The following LRMDA variants were observed in gnomAD, a reference collection of about 807,000 sequenced individuals.
LRMDA encodes the protein leucine-rich melanocyte differentiation-associated protein.
In LRMDA, 18 loss-of-function variants were observed where a neutral mutation model predicts 29.8. The observed-to-expected ratio is 0.60, with a 90% CI of 0.42 to 0.90. The LOEUF is 0.90. Ranked by LOEUF, LRMDA falls within the 40% of genes least tolerant of loss-of-function variation. The pLI is 0.00. For missense variants in LRMDA, 273 were observed against 273.9 expected (o/e 1.00, Z 0.02); for synonymous variants, 125 against 109.4 (o/e 1.14, Z -0.89).
At chr10:76,282,801 A>T (rs1840222689) in intron 5 of LRMDA, among the ~76,000 whole-genome samples, 1 of 152,156 alleles carries the variant, frequency 6.6e-6, no homozygotes, top group African/African-American at 2.4e-5. Flanking sequence ...GAAGTCAATG[A>T]TGTTCTTCGT....
intron 3 of LRMDA, among the ~76,000 whole-genome samples, chr10:76,043,230 T>G (rs1848369988): frequency 6.6e-6 from 1 of 152,214 alleles, no homozygotes; most frequent in Non-Finnish European, 1.5e-5. Context: ...GATGAATGAG[T>G]TTGTTAATCA....
At chr10:75,739,584 T>C (rs1842805745) in intron 2 of LRMDA, among the ~76,000 whole-genome samples, 1 of 152,204 alleles carries the variant, frequency 6.6e-6, no homozygotes, top group Non-Finnish European at 1.5e-5. Flanking sequence ...TGACAGCTTC[T>C]GAAGGAAATG....
chr10:76,221,588 A>T (rs1186917574), intron 5 of LRMDA, among the ~76,000 whole-genome samples: 2 of 152,236 alleles, frequency 1.3e-5, no homozygotes, highest in Non-Finnish European at 2.9e-5. Context: ...TTCAAGGAGA[A>T]CTACAAACCA....
intron 2 of LRMDA, among the ~76,000 whole-genome samples, chr10:75,767,345 G>A (rs1445984718): frequency 3.3e-5 from 5 of 152,158 alleles, no homozygotes; most frequent in South Asian, 2.1e-4. Flanking sequence ...TCTAACTGGC[G>A]TGAGATAGTA....
At chr10:75,472,743 C>T (rs555874913) in intron 2 of LRMDA, among the ~76,000 whole-genome samples, 6 of 152,184 alleles carry the variant, frequency 3.9e-5, no homozygotes, top group Non-Finnish European at 8.8e-5. Context: ...TGGCAAGGGT[C>T]AGGTATTGAC....
chr10:76,066,709 T>C (rs1040827596), intron 5 of LRMDA, among the ~76,000 whole-genome samples: 1 of 152,188 alleles, frequency 6.6e-6, no homozygotes, highest in African/African-American at 2.4e-5. Flanking sequence ...TGACTCCCCA[T>C]AACATATTTT....
intron 5 of LRMDA, among the ~76,000 whole-genome samples, chr10:76,254,465 C>T (rs1589396077): frequency 6.6e-6 from 1 of 151,428 alleles, no homozygotes; most frequent in Admixed American, 6.6e-5. Context: ...AAAGCAAATC[C>T]AATCAAGAGT....
chr10:76,457,491 T>A (rs1454890539), intron 6 of LRMDA, among the ~76,000 whole-genome samples: 1 of 143,498 alleles, frequency 7.0e-6, no homozygotes, highest in East Asian at 2.0e-4. Context: ...TATTTAGTGC[T>A]ATGCTTTTCA....
intron 6 of LRMDA, among the ~76,000 whole-genome samples, chr10:76,410,298 CTTTTTTTTTTTTTTTTTTTT>C (rs1172213249): frequency 1.5e-5 from 1 of 66,544 alleles, no homozygotes; most frequent in Non-Finnish European, 2.8e-5. Context: ...CACTTTCTTT[CTTTTTTTTTTTTTTTTTTTT>C]TTTTTTTTGA....
chr10:75,443,873 T>C (rs545853588), intron 2 of LRMDA, among the ~76,000 whole-genome samples: 1 of 152,320 alleles, frequency 6.6e-6, no homozygotes, highest in Admixed American at 6.5e-5. Context: ...ATTATTGATC[T>C]GCTTGGGTGA....
chr10:75,512,407 ATTAC>A (rs1416078473), intron 2 of LRMDA, among the ~76,000 whole-genome samples: 1 of 151,286 alleles, frequency 6.6e-6, no homozygotes, highest in Non-Finnish European at 1.5e-5. Context: ...TGTGTAGAGT[ATTAC>A]TTTGACCATT....
intron 2 of LRMDA, among the ~76,000 whole-genome samples, chr10:75,666,927 G>T (rs1013926090): frequency 2.0e-5 from 3 of 152,134 alleles, no homozygotes; most frequent in Non-Finnish European, 4.4e-5. Flanking sequence ...ATAAATAATG[G>T]TGTAATCAAT....
At chr10:76,334,472 A>G (rs928061790) in intron 6 of LRMDA, among the ~76,000 whole-genome samples, 1 of 152,210 alleles carries the variant, frequency 6.6e-6, no homozygotes, top group Non-Finnish European at 1.5e-5. Flanking sequence ...GGTGAGCTCA[A>G]GAAGGCCAAA....
intron 6 of LRMDA, among the ~76,000 whole-genome samples, chr10:76,365,561 CTATT>C (rs1841382986): frequency 6.6e-6 from 1 of 152,130 alleles, no homozygotes; most frequent in Non-Finnish European, 1.5e-5. Context: ...TGAGACTTGT[CTATT>C]TATGTCCTTA....
At chr10:76,469,632 G>T (rs566188737) in intron 6 of LRMDA, among the ~76,000 whole-genome samples, 1 of 152,110 alleles carries the variant, frequency 6.6e-6, no homozygotes, top group East Asian at 1.9e-4. Flanking sequence ...ACAGAGTGAG[G>T]GAAGTTCAAG....
intron 5 of LRMDA, among the ~76,000 whole-genome samples, chr10:76,321,670 C>T (rs747610125): frequency 2.0e-5 from 3 of 152,092 alleles, no homozygotes; most frequent in Non-Finnish European, 4.4e-5. Flanking sequence ...AAGAGCCAGG[C>T]GCGGTGGCTC....
At chr10:75,923,154 A>G (rs1846054776) in intron 2 of LRMDA, among the ~76,000 whole-genome samples, 1 of 152,156 alleles carries the variant, frequency 6.6e-6, no homozygotes. Context: ...TACATCTTCC[A>G]TAGTCACTGA....
intron 2 of LRMDA, among the ~76,000 whole-genome samples, chr10:75,524,078 G>C (rs1266187284): frequency 6.6e-6 from 1 of 152,112 alleles, no homozygotes; most frequent in Admixed American, 6.5e-5. Flanking sequence ...ACATGAAAAT[G>C]ATTCATGACT....
chr10:76,033,234 AAAT>A (rs2132503693), intron 2 of LRMDA, among the ~76,000 whole-genome samples: 1 of 152,268 alleles, frequency 6.6e-6, no homozygotes, highest in African/African-American at 2.4e-5. Context: ...CTAGATGATT[AAAT>A]CCCCAGGAGC....
Sources: gnomAD v4.1 joint callset for allele counts (sites outside exome capture counted in the v4.1 genomes callset) on GRCh38, gnomAD v4.1.1 for gene constraint, MANE v1.5 for transcripts, NCBI Gene and HGNC (gene_info 2026-07-23, HGNC 2026-07-21) for gene names.